Variants in TRIM33 observed in about 807,000 individuals in gnomAD.
TRIM33 encodes tripartite motif containing 33.
TRIM33 carries 20 observed loss-of-function variants against 125.4 expected under a neutral mutation model. That is an observed-to-expected ratio of 0.16 (90% CI 0.11 to 0.23). The LOEUF is 0.23. TRIM33 is among the 10% of genes least tolerant of loss of function. The probability of loss-of-function intolerance (pLI) is 1.00; values close to 1 mark genes in which losing one functional copy is unlikely to be tolerated. For synonymous variants in TRIM33, 564 were observed against 513.9 expected, an observed-to-expected ratio of 1.10 and a Z score of -1.32; for missense variants, 920 against 1,411.4, an observed-to-expected ratio of 0.65 and a Z score of 5.58.
intron 4 of TRIM33, among the ~76,000 whole-genome samples, chr1:114,446,813 G>A (rs1181140847): frequency 1.3e-5 from 2 of 152,110 alleles, no homozygotes; most frequent in Non-Finnish European, 2.9e-5. Context: ...CCAACACTTC[G>A]GGAGGCAGAG....
intron 4 of TRIM33, among the ~76,000 whole-genome samples, chr1:114,441,129 G>A (rs1040309289): frequency 7.2e-5 from 11 of 152,158 alleles, no homozygotes; most frequent in Non-Finnish European, 1.2e-4. Flanking sequence ...GTAATAAAGC[G>A]AGACCCTGTC....
At chr1:114,463,636 T>A in intron 2 of TRIM33, 80 bp from the exon 3 acceptor site, 1 of 869,064 alleles carries the variant, frequency 1.2e-6, no homozygotes, top group Non-Finnish European at 1.8e-6. Context: ...TGTTCTTCAA[T>A]ATACTATTTC....
chr1:114,427,987 C>G, intron 6 of TRIM33, 93 bp from the exon 7 acceptor site: 1 of 1,309,790 alleles, frequency 7.6e-7, no homozygotes, highest in South Asian at 1.4e-5. Flanking sequence ...CCTATACTTC[C>G]TTTAAAAATG....
At chr1:114,461,215 AAT>A (rs11367427) in intron 4 of TRIM33, among the ~76,000 whole-genome samples, 30,069 of 132,856 alleles carry the variant, frequency 0.23, 4,209 homozygotes, top group African/African-American at 0.39. Context: ...TGTCTTTAAA[AAT>A]ATATATATAT....
chr1:114,478,646 T>C (rs1014172110), intron 1 of TRIM33, among the ~76,000 whole-genome samples: 1 of 152,158 alleles, frequency 6.6e-6, no homozygotes, highest in South Asian at 2.1e-4. Flanking sequence ...TAAAATAATA[T>C]GGCAAAGCCT....
intron 1 of TRIM33, among the ~76,000 whole-genome samples, chr1:114,482,687 C>T (rs970323972): frequency 9.9e-5 from 15 of 152,104 alleles, no homozygotes; most frequent in Admixed American, 1.3e-4. Context: ...GATTGGATCA[C>T]GGGGGCAGAT....
chr1:114,496,929 CTG>C (rs1445562599), intron 1 of TRIM33, among the ~76,000 whole-genome samples: 3 of 152,218 alleles, frequency 2.0e-5, no homozygotes, highest in African/African-American at 7.2e-5. Context: ...CAACAAAACA[CTG>C]TACTCTTTCA....
chr1:114,397,813 A>G lies in TRIM33; in HGVS notation c.3219T>C (p.Phe1073=). ...AGTAGATCTCTGTGAGTTTATCTTC[A>G]AAGTACAATGCAACTGCTTTCCCTG... ...AQAGKAVALY[F]EDKLTEIYSD... The change falls in exon 20 of 20, where the codon TTT becomes TTC. Residue 1073 remains phenylalanine, a synonymous_variant. Transcript: ENST00000358465. 6.2e-7 allele frequency: 1 copy of G among 1,613,756 alleles called. No homozygotes were observed. The highest frequency in any genetic ancestry group is 8.5e-7 in the Non-Finnish European group (1 of 1,179,932).
intron 1 of TRIM33, among the ~76,000 whole-genome samples, chr1:114,487,698 C>T (rs2101520014): frequency 6.7e-6 from 1 of 149,552 alleles, no homozygotes; most frequent in South Asian, 2.1e-4. Flanking sequence ...GAGATCGAGA[C>T]CATCCTGGCT....
intron 4 of TRIM33, among the ~76,000 whole-genome samples, chr1:114,457,057 C>A (rs1487637757): frequency 1.3e-5 from 2 of 152,182 alleles, no homozygotes; most frequent in African/African-American, 4.8e-5. Flanking sequence ...TTGGGTATAT[C>A]CGTGTTTTGA....
At chr1:114,416,220 T>C (rs147531626) in intron 11 of TRIM33, among the ~76,000 whole-genome samples, 2 of 152,264 alleles carry the variant, frequency 1.3e-5, no homozygotes, top group Non-Finnish European at 2.9e-5. Flanking sequence ...CATATTTAGG[T>C]GCTGTTCTAC....
chr1:114,473,633 C>T (rs779171125), intron 1 of TRIM33, among the ~76,000 whole-genome samples: 1 of 151,712 alleles, frequency 6.6e-6, no homozygotes, highest in Non-Finnish European at 1.5e-5. Context: ...AGCATGTGAT[C>T]GAAAAAGATT....
intron 4 of TRIM33, among the ~76,000 whole-genome samples, chr1:114,461,454 T>C (rs992801167): frequency 4.6e-5 from 7 of 151,542 alleles, no homozygotes; most frequent in African/African-American, 1.7e-4. Context: ...TGAACTGAAT[T>C]TCTGGACACC....
chr1:114,425,780 TG>T (rs1199842201), intron 8 of TRIM33, 57 bp from the exon 9 acceptor site: 1 of 1,292,318 alleles, frequency 7.7e-7, no homozygotes, highest in East Asian at 2.3e-5. Context: ...TCTACTTTGT[TG>T]AGTAATCACC....
intron 15 of TRIM33, chr1:114,404,437 C>T (rs1206718694): frequency 1.3e-5 from 2 of 152,148 alleles, no homozygotes; most frequent in African/African-American, 4.8e-5. Flanking sequence ...TGAGCTACCA[C>T]ACCTGGCTAA....
At chr1:114,420,745 T>C (rs1232559663) in intron 11 of TRIM33, among the ~76,000 whole-genome samples, 1 of 152,240 alleles carries the variant, frequency 6.6e-6, no homozygotes, top group Non-Finnish European at 1.5e-5. Context: ...CTAATGAACA[T>C]ATCTAACTCC....
At chr1:114,450,891 A>G (rs1054918290) in intron 4 of TRIM33, among the ~76,000 whole-genome samples, 2 of 152,158 alleles carry the variant, frequency 1.3e-5, no homozygotes, top group African/African-American at 2.4e-5. Flanking sequence ...TGCAATAGTT[A>G]TCTAATAATT....
intron 11 of TRIM33, among the ~76,000 whole-genome samples, chr1:114,417,535 A>G (rs1443771491): frequency 1.3e-5 from 2 of 152,102 alleles, no homozygotes; most frequent in African/African-American, 4.8e-5. Context: ...TGTCAATACC[A>G]TGTGTTTCCA....
At chr1:114,409,709 T>C (rs549690298) in intron 12 of TRIM33, among the ~76,000 whole-genome samples, 1 of 152,320 alleles carries the variant, frequency 6.6e-6, no homozygotes, top group African/African-American at 2.4e-5. Flanking sequence ...AAATATGTTA[T>C]TGTGTCAACT....
Sources: allele counts gnomAD v4.1 joint callset (sites outside exome capture counted in the v4.1 genomes callset), GRCh38; gene constraint gnomAD v4.1.1; transcripts MANE v1.5; gene names NCBI Gene and HGNC (gene_info 2026-07-23, HGNC 2026-07-21).